The following CCDC3 variants were observed in gnomAD, a reference collection of about 807,000 sequenced individuals.
CCDC3 encodes the protein coiled-coil domain containing 3, also known as coiled-coil domain-containing protein 3.
Under a neutral mutation model 21.4 loss-of-function variants are expected in CCDC3, and 24 were observed. That is an observed-to-expected ratio of 1.12 (90% CI 0.81 to 1.58). The LOEUF (loss-of-function observed/expected upper bound fraction) is 1.58. CCDC3 is among the 40% of genes most tolerant of loss of function. The probability of loss-of-function intolerance (pLI) is 0.00; values close to 1 mark genes in which losing one functional copy is unlikely to be tolerated. For missense variants in CCDC3, 425 were observed against 360.9 expected, an observed-to-expected ratio of 1.18 and a Z score of -1.44; for synonymous variants, 186 against 166.0, an observed-to-expected ratio of 1.12 and a Z score of -0.93.
chr10:13,061,758 G>A (rs938644111), intron 4 of CCDC3, among the ~76,000 whole-genome samples: 1 of 152,184 alleles, frequency 6.6e-6, no homozygotes, highest in African/African-American at 2.4e-5. Context: ...CAATAGAAAG[G>A]AAATATTCAG....
At chr10:12,985,794 A>T (rs1309330950) in intron 2 of CCDC3, among the ~76,000 whole-genome samples, 1 of 152,236 alleles carries the variant, frequency 6.6e-6, no homozygotes, top group Non-Finnish European at 1.5e-5. Flanking sequence ...TAGCAGGAAG[A>T]AGCCACTTGG....
At chr10:13,017,291 CG>C (rs1295660073) in intron 5 of CCDC3, among the ~76,000 whole-genome samples, 2 of 151,758 alleles carry the variant, frequency 1.3e-5, no homozygotes, top group Admixed American at 6.6e-5. Context: ...CCGAGGTGGG[CG>C]GATCACCTGA....
chr10:13,069,536 C>T (rs750328663), intron 4 of CCDC3, among the ~76,000 whole-genome samples: 2 of 152,174 alleles, frequency 1.3e-5, no homozygotes, highest in Admixed American at 6.5e-5. Context: ...ATTTCTAACA[C>T]ATAACAGACT....
intron 5 of CCDC3, among the ~76,000 whole-genome samples, chr10:13,042,630 C>T (rs527955822): frequency 3.9e-5 from 6 of 152,222 alleles, no homozygotes; most frequent in African/African-American, 9.6e-5. Flanking sequence ...GCTTCTCAGC[C>T]GGGCGTGGTG....
At chr10:13,080,735 G>C (rs1429452308) in intron 3 of CCDC3, among the ~76,000 whole-genome samples, 4 of 152,260 alleles carry the variant, frequency 2.6e-5, no homozygotes, top group Non-Finnish European at 5.9e-5. Flanking sequence ...CTCCTAGACA[G>C]GCCAGGGTAC....
chr10:13,040,687 T>TCTCACACACACACACA (rs1554763771), intron 5 of CCDC3, among the ~76,000 whole-genome samples: 2 of 142,752 alleles, frequency 1.4e-5, no homozygotes, highest in Non-Finnish European at 3.0e-5. Flanking sequence ...CAAAACTCTG[T>TCTCACACACACACACA]CACACACACA....
At chr10:12,935,981 T>A (rs1834730954) in intron 2 of CCDC3, among the ~76,000 whole-genome samples, 1 of 152,250 alleles carries the variant, frequency 6.6e-6, no homozygotes, top group Admixed American at 6.5e-5. Context: ...GTGAATACAT[T>A]GTTGCTATTC....
At chr10:12,962,847 T>C (rs1835200573) in intron 2 of CCDC3, among the ~76,000 whole-genome samples, 1 of 152,238 alleles carries the variant, frequency 6.6e-6, no homozygotes, top group Admixed American at 6.5e-5. Context: ...AGGTTATTTT[T>C]ATTTATAGCT....
At chr10:12,924,994 AC>A (rs1834512642) in intron 2 of CCDC3, among the ~76,000 whole-genome samples, 2 of 152,208 alleles carry the variant, frequency 1.3e-5, no homozygotes, top group South Asian at 2.1e-4. Context: ...CCGTGTGGAC[AC>A]CAAGCACAGG....
chr10:12,959,458 G>A (rs575542058), intron 2 of CCDC3, among the ~76,000 whole-genome samples: 5 of 152,236 alleles, frequency 3.3e-5, no homozygotes, highest in Admixed American at 2.0e-4. Context: ...ATGAGGCACC[G>A]TGCCCAACCT....
chr10:12,914,337 C>T (rs1298761660), intron 2 of CCDC3, among the ~76,000 whole-genome samples: 1 of 152,094 alleles, frequency 6.6e-6, no homozygotes, highest in East Asian at 1.9e-4. Context: ...TTATCCATTT[C>T]TTGTAAGTTA....
At chr10:12,948,594 T>C in intron 2 of CCDC3, among the ~76,000 whole-genome samples, 1 of 152,118 alleles carries the variant, frequency 6.6e-6, no homozygotes, top group Non-Finnish European at 1.5e-5. Context: ...AACTCTAATG[T>C]GAGAGTCATT....
At chr10:12,900,473 T>G (rs1488332671) in intron 2 of CCDC3, among the ~76,000 whole-genome samples, 16 of 130,942 alleles carry the variant, frequency 1.2e-4, no homozygotes, top group African/African-American at 4.5e-4. Context: ...GGTCAGGAGA[T>G]CGAGACCATC....
upstream of CCDC3, among the ~76,000 whole-genome samples, chr10:13,005,304 G>A (rs150802467): frequency 6.6e-6 from 1 of 152,326 alleles, no homozygotes; most frequent in East Asian, 1.9e-4. Flanking sequence ...AACCATATGA[G>A]TGGAAGAGGC....
intron 2 of CCDC3, among the ~76,000 whole-genome samples, chr10:12,934,823 G>A (rs1834710094): frequency 6.6e-6 from 1 of 152,118 alleles, no homozygotes; most frequent in African/African-American, 2.4e-5. Context: ...ATTTGAGACA[G>A]GGCCTTGCTC....
chr10:13,035,075 G>C (rs756426296), intron 5 of CCDC3, among the ~76,000 whole-genome samples: 11 of 150,864 alleles, frequency 7.3e-5, no homozygotes, highest in Non-Finnish European at 1.3e-4. Flanking sequence ...AGAAAAACAG[G>C]ACTGGAGGAA....
At chr10:12,901,985 C>T (rs867371004) in intron 2 of CCDC3, among the ~76,000 whole-genome samples, 38 of 152,334 alleles carry the variant, frequency 2.5e-4, no homozygotes, top group African/African-American at 9.1e-4. Flanking sequence ...ATGCTTTCCA[C>T]CGGGTCTCCC....
rs117392488 is a variant in CCDC3 at position 13,040,996 on chromosome 10, A to G, written c.-2+8678T>C. Among the ~76,000 whole-genome samples, 625 of 152,292 alleles carry G rather than the reference A, an allele frequency of 4.1e-3. 1 individual carries two copies. The highest frequency in any genetic ancestry group is 6.9e-3 in the Non-Finnish European group (467 of 68,024). ...ATTTCATTTGACTTTTAATGTTCTCAAGGGCTCAGCCTCAAATGATTATAC... is the reference window on the plus strand; with the variant it reads ...ATTTCATTTGACTTTTAATGTTCTCGAGGGCTCAGCCTCAAATGATTATAC... On this transcript the variant is annotated intron_variant, in intron 5 of 6. Coordinates refer to the CCDC3 transcript ENST00000378839.
intron 2 of CCDC3, among the ~76,000 whole-genome samples, chr10:12,916,240 T>C (rs1834352091): frequency 6.6e-6 from 1 of 152,108 alleles, no homozygotes; most frequent in African/African-American, 2.4e-5. Flanking sequence ...GAGACCAGCC[T>C]GGCCAACATG....
Sources: allele counts gnomAD v4.1 joint callset (sites outside exome capture counted in the v4.1 genomes callset), GRCh38; gene constraint gnomAD v4.1.1; transcripts MANE v1.5; gene names NCBI Gene and HGNC (gene_info 2026-07-23, HGNC 2026-07-21).